Variants in CDK14 observed in about 807,000 individuals in gnomAD.
CDK14 encodes cyclin-dependent kinase 14.
Under a neutral mutation model 60.7 loss-of-function variants are expected in CDK14, and 34 were observed. That is an observed-to-expected ratio of 0.56 (90% CI 0.43 to 0.75). CDK14 has a LOEUF of 0.75. CDK14 is among the 30% of genes least tolerant of loss of function. The probability of loss-of-function intolerance (pLI) is 0.00; values close to 1 mark genes in which losing one functional copy is unlikely to be tolerated. For synonymous variants in CDK14, 197 were observed against 203.7 expected, an observed-to-expected ratio of 0.97 and a Z score of 0.28; for missense variants, 482 against 564.1, an observed-to-expected ratio of 0.85 and a Z score of 1.47.
At chr7:90,978,740 A>G (rs539471374) in intron 9 of CDK14, among the ~76,000 whole-genome samples, 1 of 152,284 alleles carries the variant, frequency 6.6e-6, no homozygotes, top group South Asian at 2.1e-4. Context: ...TTTAGAGATT[A>G]AAATATCTTC....
At chr7:90,710,299 T>A (rs1802013026) in intron 2 of CDK14, 1 of 985,330 alleles carries the variant, frequency 1.0e-6, no homozygotes, top group African/African-American at 1.7e-5. Flanking sequence ...TAGTCTTTAT[T>A]TATTACAGCT....
intron 6 of CDK14, among the ~76,000 whole-genome samples, chr7:90,884,083 G>T (rs921115835): frequency 1.3e-5 from 2 of 152,134 alleles, no homozygotes; most frequent in Admixed American, 1.3e-4. Flanking sequence ...GGAAGTTCTG[G>T]CCAGGGCAAT....
chr7:90,643,969 A>G (rs141446271), intron 2 of CDK14, among the ~76,000 whole-genome samples: 247 of 152,362 alleles, frequency 1.6e-3, no homozygotes, highest in African/African-American at 5.4e-3. Context: ...CCAGTCTCCA[A>G]TGTGACTGTA....
intron 2 of CDK14, among the ~76,000 whole-genome samples, chr7:90,619,787 G>A (rs1473633674): frequency 1.3e-5 from 2 of 152,314 alleles, no homozygotes; most frequent in East Asian, 1.9e-4. Context: ...CTTGAGGCCA[G>A]GAGTTTGAAA....
chr7:90,760,857 G>A (rs927905025), intron 4 of CDK14, among the ~76,000 whole-genome samples: 5 of 152,208 alleles, frequency 3.3e-5, no homozygotes, highest in African/African-American at 1.2e-4. Flanking sequence ...ATAGGTGAAA[G>A]TTTGAAAAGT....
intron 9 of CDK14, among the ~76,000 whole-genome samples, chr7:90,976,441 A>C (rs1458806801): frequency 6.6e-6 from 1 of 151,900 alleles, no homozygotes; most frequent in Non-Finnish European, 1.5e-5. Context: ...TTGCAGCTTC[A>C]ATCTCCTGGG....
chr7:91,195,958 G>T (rs1802525418), intron 14 of CDK14, among the ~76,000 whole-genome samples: 2 of 152,138 alleles, frequency 1.3e-5, no homozygotes, highest in African/African-American at 2.4e-5. Context: ...TGTCCCATTG[G>T]CCAGTCTGTG....
At chr7:90,655,576 A>T in intron 2 of CDK14, among the ~76,000 whole-genome samples, 1 of 152,346 alleles carries the variant, frequency 6.6e-6, no homozygotes, top group East Asian at 1.9e-4. Flanking sequence ...CAAACTGAAT[A>T]TCTGACATAA....
intron 11 of CDK14, among the ~76,000 whole-genome samples, chr7:91,046,909 A>T (rs1797255287): frequency 6.6e-6 from 1 of 152,150 alleles, no homozygotes; most frequent in South Asian, 2.1e-4. Flanking sequence ...CCAAAGAATG[A>T]CTGAGTTGGG....
chr7:90,648,905 C>T (rs899248788), intron 2 of CDK14, among the ~76,000 whole-genome samples: 1 of 152,140 alleles, frequency 6.6e-6, no homozygotes, highest in Non-Finnish European at 1.5e-5. Flanking sequence ...TTTGCTAGTT[C>T]TCAAATATGA....
At chr7:91,122,529 C>T (rs925088544) in intron 14 of CDK14, among the ~76,000 whole-genome samples, 12 of 152,104 alleles carry the variant, frequency 7.9e-5, no homozygotes, top group Admixed American at 2.6e-4. Flanking sequence ...CCATCTCAAC[C>T]GCCATCTCAA....
chr7:91,055,286 T>C (rs1163138058), intron 11 of CDK14, among the ~76,000 whole-genome samples: 1 of 152,164 alleles, frequency 6.6e-6, no homozygotes, highest in East Asian at 1.9e-4. Flanking sequence ...AATGTAAAAT[T>C]AGCAATTCAT....
At chr7:91,110,990 A>T (rs1746191996) in intron 12 of CDK14, among the ~76,000 whole-genome samples, 1 of 152,158 alleles carries the variant, frequency 6.6e-6, no homozygotes, top group African/African-American at 2.4e-5. Flanking sequence ...AAGGGGAAAA[A>T]ACTGTGAAGA....
chr7:90,769,992 C>T (rs12667720), intron 4 of CDK14, among the ~76,000 whole-genome samples: 31,234 of 152,160 alleles, frequency 0.21, 3,351 homozygotes, highest in South Asian at 0.24. Flanking sequence ...TTTTTTCTCA[C>T]GTAAAAGGAA....
In CDK14 at chr7:90,790,560, T is replaced by C. The variant is rs758915480; in HGVS notation, c.465-13T>C. On this transcript the variant is annotated splice_polypyrimidine_tract_variant and intron_variant, in intron 4 of 14. Coordinates refer to ENST00000380050, the MANE Select transcript of CDK14 (RefSeq NM_001287135.2). ...ATATTTTTATGAATTCACTTATCTTTCATTTCTCACAGGGTAAATGGGAAG... is the reference window on the plus strand; with the variant it reads ...ATATTTTTATGAATTCACTTATCTTCCATTTCTCACAGGGTAAATGGGAAG... The C allele has an allele frequency of 6.3e-7, 1 of 1,591,428 alleles. No homozygotes were observed.
intron 11 of CDK14, among the ~76,000 whole-genome samples, chr7:91,058,771 A>G (rs1410842531): frequency 3.9e-5 from 6 of 152,150 alleles, no homozygotes; most frequent in Admixed American, 3.9e-4. Context: ...ATCATGATGG[A>G]TAAGCTTTTT....
chr7:90,804,103 C>A (rs970024251), intron 5 of CDK14, among the ~76,000 whole-genome samples: 3 of 152,198 alleles, frequency 2.0e-5, no homozygotes, highest in African/African-American at 7.2e-5. Flanking sequence ...TACACAGATT[C>A]TTCTCAGGCT....
chr7:90,659,837 T>TTCTCTCTCTCTCTCTCTCTCTCTC (rs58582287), intron 2 of CDK14, among the ~76,000 whole-genome samples: 8 of 110,480 alleles, frequency 7.2e-5, no homozygotes, highest in African/African-American at 3.0e-4. Flanking sequence ...CAGGGAATGC[T>TTCTCTCTCTCTCTCTCTCTCTCTC]TCTCTCTCTC....
Position 90,964,069 on chromosome 7 carries a change from A to T in CDK14, c.947+8252A>T, listed in dbSNP as rs181265927. 3.3e-5 allele frequency among the ~76,000 whole-genome samples: 5 copies of T among 152,342 alleles called. No homozygotes were observed. The East Asian group carries it at 9.6e-4, about 29-fold the overall frequency. ...ATTACATAATTGTTTTATGATAATTATCCTTGACTACAAAGATCAGTAACA... is the reference window on the plus strand; with the variant it reads ...ATTACATAATTGTTTTATGATAATTTTCCTTGACTACAAAGATCAGTAACA... On this transcript the variant is annotated intron_variant, in intron 9 of 14. Transcript: ENST00000380050.
Sources: allele counts gnomAD v4.1 joint callset (sites outside exome capture counted in the v4.1 genomes callset), GRCh38; gene constraint gnomAD v4.1.1; transcripts MANE v1.5; gene names NCBI Gene and HGNC (gene_info 2026-07-23, HGNC 2026-07-21).